Variants in PHKA2 observed in about 807,000 individuals in gnomAD.
PHKA2 encodes phosphorylase b kinase regulatory subunit alpha, liver isoform.
A neutral mutation model predicts 102.0 loss-of-function variants in PHKA2; 31 were observed. That is an observed-to-expected ratio of 0.30 (90% CI 0.23 to 0.41). The LOEUF (loss-of-function observed/expected upper bound fraction) is 0.41. Ranked by LOEUF, PHKA2 falls within the 10% of genes least tolerant of loss-of-function variation. The pLI is 1.00. For synonymous variants in PHKA2, 455 were observed against 416.2 expected, an observed-to-expected ratio of 1.09 and a Z score of -1.13; for missense variants, 858 against 1,023.1, an observed-to-expected ratio of 0.84 and a Z score of 2.20.
chrX:18,901,186 G>C (rs1034486922), intron 27 of PHKA2, among the ~76,000 whole-genome samples: 14 of 110,794 alleles, frequency 1.3e-4, no homozygotes, highest in Non-Finnish European at 2.6e-4. Flanking sequence ...TTTTTCAATG[G>C]CTGTGGCCCA....
intron 31 of PHKA2, 189 bp downstream of exon 31, chrX:18,894,949 C>T (rs1020543823): frequency 6.1e-5 from 30 of 490,976 alleles, no homozygotes; most frequent in Middle Eastern, 3.9e-4. Context: ...AAGAAAAAGG[C>T]TGATGCCAAT....
chrX:18,899,213 C>T lies in PHKA2; in HGVS notation c.3071G>A (p.Gly1024Asp). ...FSADEQFFSV[G>D]QAASSSAHSS... ...ATGCGCACTGCTGGACGCGGCCTGG[C>T]CCACAGAAAAGAACTACAAAACAAA... is the stretch of plus-strand genomic sequence containing the variant. The change falls in exon 29 of 33, where the codon GGC becomes GAC. Residue 1024 changes from glycine to aspartate, a missense_variant. Transcript: ENST00000379942. 1 of 1,209,000 alleles carries T rather than the reference C, an allele frequency of 8.3e-7. No individual in the cohort carries two copies.
intron 15 of PHKA2, among the ~76,000 whole-genome samples, chrX:18,924,828 T>A (rs1429545989): frequency 8.9e-6 from 1 of 111,919 alleles, no homozygotes; most frequent in Non-Finnish European, 1.9e-5. Flanking sequence ...AATCAATAAC[T>A]CCTTAATTCC....
intron 7 of PHKA2, among the ~76,000 whole-genome samples, chrX:18,942,473 G>A (rs1051752665): frequency 7.2e-5 from 8 of 111,520 alleles, no homozygotes; most frequent in African/African-American, 2.6e-4. Context: ...GCTAGTAAGT[G>A]ACAGAACTAG....
At position 18,933,653 on chromosome X, in the gene PHKA2, T is replaced by G. The variant is rs142782229; in HGVS notation, c.1138-1905A>C. Reference sequence around the variant, plus strand: ...ACACAGGTGCCACATGGGCCTGTGGTGGCCCTGTGTGCAGAAATCCTTCCT... The same window carrying G: ...ACACAGGTGCCACATGGGCCTGTGGGGGCCCTGTGTGCAGAAATCCTTCCT... On this transcript the variant is annotated intron_variant, in intron 11 of 32. Coordinates refer to ENST00000379942, the MANE Select transcript of PHKA2 (RefSeq NM_000292.3). Among the ~76,000 whole-genome samples the G allele has an allele frequency of 6.8e-3, 763 of 112,244 alleles. 1 individual carries two copies. Among genetic ancestry groups the G allele is most frequent in the South Asian group, 0.016 (43 of 2,699 alleles).
chrX:18,895,495 C>A, intron 30 of PHKA2: 1 of 313,894 alleles, frequency 3.2e-6, no homozygotes, highest in Non-Finnish European at 5.6e-6. Flanking sequence ...TGGGCCCGGG[C>A]GGCTGCGAGG....
intron 4 of PHKA2, among the ~76,000 whole-genome samples, 188 bp downstream of exon 4, chrX:18,950,916 T>C (rs926576814): frequency 7.7e-4 from 87 of 112,707 alleles, no homozygotes; most frequent in African/African-American, 2.6e-3. Context: ...GCCTTGGTCA[T>C]GGACTTCCCA....
At chrX:18,953,839 A>C (rs1443899592) in intron 2 of PHKA2, among the ~76,000 whole-genome samples, 1 of 110,570 alleles carries the variant, frequency 9.0e-6, no homozygotes, top group Non-Finnish European at 1.9e-5. Flanking sequence ...ATACAAAATT[A>C]GCTGCGCGTG....
At chrX:18,895,515 T>G in intron 30 of PHKA2, 1 of 295,993 alleles carries the variant, frequency 3.4e-6, no homozygotes, top group Admixed American at 5.1e-5. Context: ...GCCCCTTTGG[T>G]GCCATAATAA....
chrX:18,948,611 G>A (rs2048625868), intron 5 of PHKA2, 133 bp downstream of exon 5: 2 of 514,926 alleles, frequency 3.9e-6, no homozygotes, highest in Non-Finnish European at 7.2e-6. Context: ...GTGTGGAGGT[G>A]ACACAATCTC....
In PHKA2 at chrX:18,954,291, C is replaced by T. The variant is rs768524028; in HGVS notation, c.200G>A (p.Arg67His). Residue 67 changes from arginine to histidine, a missense_variant, in exon 2 of 33, where the codon CGC becomes CAC. Transcript: ENST00000379942. ...LGMAYRKNAD[R>H]DEDKAKAYEL... The stretch of plus-strand genomic sequence containing the variant: ...GTAGGCCTTGGCCTTGTCCTCATCG[C>T]GGTCTGCATTCTTACGGTAGGCCAT... 3.9e-5 allele frequency: 47 copies of T among 1,210,339 alleles called. 1 individual carries two copies. In the South Asian group the frequency reaches 6.3e-4, roughly 16 times the overall value.
intron 13 of PHKA2, 35 bp downstream of exon 13, chrX:18,929,193 A>T: frequency 1.0e-6 from 1 of 968,212 alleles, no homozygotes; most frequent in Non-Finnish European, 1.4e-6. Context: ...TTGGTTTTAC[A>T]AAGTTAAATA....
intron 17 of PHKA2, 105 bp downstream of exon 17, chrX:18,923,951 T>C: frequency 1.6e-6 from 1 of 609,625 alleles, no homozygotes; most frequent in South Asian, 2.3e-5. Flanking sequence ...TAAAACTGCA[T>C]GCTTTTAGGT....
In PHKA2 at chrX:18,892,873, T is replaced by C. The variant is rs1348463171; in HGVS notation, c.*612A>G. 1 of 113,906 alleles carries C rather than the reference T, an allele frequency of 8.8e-6. No individual in the cohort carries two copies. Among genetic ancestry groups the C allele is most frequent in the Non-Finnish European group, 1.8e-5 (1 of 54,484 alleles). The allele number at this position is 113,906 out of a possible 1,213,427, so 9.4% of individuals were successfully genotyped here. On this transcript the variant is annotated 3_prime_UTR_variant, in exon 33 of 33. Transcript: ENST00000379942. ...GAGCCAAGGTGAACGAAGAGGAATT[T>C]TCTAAATCTTGGGGACAGAGAATTA...
At chrX:18,903,239 G>A (rs192704629) in intron 26 of PHKA2, among the ~76,000 whole-genome samples, 9 of 112,503 alleles carry the variant, frequency 8.0e-5, no homozygotes, top group South Asian at 3.7e-4. Context: ...TTTCATGACC[G>A]CATGGAGTTT....
At chrX:18,906,922 G>A in intron 23 of PHKA2, 96 bp downstream of exon 23, 4 of 1,011,549 alleles carry the variant, frequency 4.0e-6, no homozygotes, top group Non-Finnish European at 5.6e-6. Context: ...CCATGTGACA[G>A]AGTGTCTTTA....
At position 18,893,465 on chromosome X, in the gene PHKA2, T is replaced by C. The variant is rs769235463; in HGVS notation, c.*20A>G. ...GGCACGTGACAGATTGAGAGTGTGA[T>C]CATGTTTCCAGGTGAGACCCTATTG... On this transcript the variant is annotated 3_prime_UTR_variant, in exon 33 of 33. Coordinates refer to ENST00000379942, the MANE Select transcript of PHKA2 (RefSeq NM_000292.3). The C allele has an allele frequency of 4.2e-6, 5 of 1,203,233 alleles. No homozygotes were observed. Among genetic ancestry groups the C allele is most frequent in the Admixed American group, 2.2e-5 (1 of 45,650 alleles).
chrX:18,893,983 T>G (rs1371020475), intron 32 of PHKA2: 23 of 466,444 alleles, frequency 4.9e-5, no homozygotes, highest in South Asian at 3.1e-5. Flanking sequence ...AGTGGTGGTG[T>G]TTGGACGAAA....
At chrX:18,923,959 G>A in intron 17 of PHKA2, 97 bp downstream of exon 17, 1 of 630,849 alleles carries the variant, frequency 1.6e-6, no homozygotes, top group Non-Finnish European at 2.7e-6. Context: ...CATGCTTTTA[G>A]GTTCAACAAT....
Sources: allele counts gnomAD v4.1 joint callset (sites outside exome capture counted in the v4.1 genomes callset), GRCh38; gene constraint gnomAD v4.1.1; transcripts MANE v1.5; gene names NCBI Gene and HGNC (gene_info 2026-07-23, HGNC 2026-07-21).